Variants in GIGYF2 observed in about 807,000 individuals in gnomAD.
GIGYF2 encodes the protein GRB10 interacting GYF protein 2, also known as GRB10-interacting GYF protein 2.
In GIGYF2, 25 loss-of-function variants were observed where a neutral mutation model predicts 208.1. The ratio of observed to expected loss-of-function variants is 0.12; its 90% confidence interval spans 0.09 to 0.17. The LOEUF (loss-of-function observed/expected upper bound fraction) is 0.17. GIGYF2 is among the 10% of genes least tolerant of loss of function. The pLI, the probability that GIGYF2 is intolerant of heterozygous loss-of-function variation, is 1.00. For missense variants in GIGYF2, 1,302 were observed against 1,579.4 expected (o/e 0.82, Z 2.98); for synonymous variants, 534 against 543.8 (o/e 0.98, Z 0.25).
chr2:232,735,927 C>T (rs777634889), intron 3 of GIGYF2: 48 of 983,842 alleles, frequency 4.9e-5, no homozygotes, highest in Admixed American at 6.2e-5. Context: ...ATTCAAACCT[C>T]GGGCAACCCC....
At chr2:232,776,655 G>A (rs1264373828) in intron 8 of GIGYF2, 4 of 598,834 alleles carry the variant, frequency 6.7e-6, no homozygotes, top group Non-Finnish European at 1.2e-5. Context: ...CCTGCAGGGG[G>A]GCCAATTAGC....
At chr2:232,760,138 A>G (rs1195280523) in intron 6 of GIGYF2, 1 of 170,038 alleles carries the variant, frequency 5.9e-6, no homozygotes, top group East Asian at 1.6e-4. Flanking sequence ...AAATAAAACA[A>G]TAAAATATTT....
In GIGYF2 at chr2:232,768,193, A is replaced by G. The variant is rs1201705876; in HGVS notation, c.532+6757A>G. ...ATACATTAAAAAATGGATAAGTCTT[A>G]TTCTGTCAGTCCTGTTTCAGAGATC... On this transcript the variant is annotated intron_variant, in intron 8 of 28. Transcript: ENST00000373563. The G allele has an allele frequency of 5.6e-5, 91 of 1,613,940 alleles. No individual in the cohort carries two copies. The East Asian group carries it at 2.0e-3, about 36-fold the overall frequency.
intron 9 of GIGYF2, among the ~76,000 whole-genome samples, chr2:232,787,939 T>G (rs914924164): frequency 1.1e-4 from 17 of 152,196 alleles, no homozygotes; most frequent in Non-Finnish European, 2.4e-4. Flanking sequence ...TCTTGGACAT[T>G]AGATATGCTA....
intron 5 of GIGYF2, among the ~76,000 whole-genome samples, chr2:232,755,772 T>G (rs980385155): frequency 3.9e-5 from 6 of 152,216 alleles, no homozygotes; most frequent in Non-Finnish European, 7.3e-5. Flanking sequence ...CACATTGATG[T>G]GCAGAATGTC....
rs539833596 is a variant in GIGYF2 at position 232,808,919 on chromosome 2, A to G, written c.1807-801A>G. Reference sequence around the variant, plus strand: ...GAGAGTTATAGTTATCAAAGTTTATATACATACATATACATATATACATAC... The same window carrying G: ...GAGAGTTATAGTTATCAAAGTTTATGTACATACATATACATATATACATAC... On this transcript the variant is annotated intron_variant, in intron 15 of 28. Coordinates refer to ENST00000373563, the MANE Select transcript of GIGYF2 (RefSeq NM_001103146.3). Among the ~76,000 whole-genome samples, 100 of 152,276 alleles carry G rather than the reference A, an allele frequency of 6.6e-4. 1 individual carries two copies. The highest frequency in any genetic ancestry group is 2.2e-3 in the African/African-American group (91 of 41,564).
intron 21 of GIGYF2, among the ~76,000 whole-genome samples, chr2:232,824,805 A>C (rs939013288): frequency 6.6e-6 from 1 of 152,234 alleles, no homozygotes; most frequent in African/African-American, 2.4e-5. Context: ...AGAGAGGAGA[A>C]GTCAGTGCGT....
In GIGYF2 at chr2:232,847,420, T is replaced by C; in HGVS notation, c.3533T>C (p.Leu1178Ser). ...GTCCATGATTATATCAGGGCCTATT[T>C]AGGAGATACTTCTGAGGCCAAGGAG... ...YEVHDYIRAY[L>S]GDTSEAKEFA... Residue 1178 changes from leucine to serine, a missense_variant, in exon 27 of 29, where the codon TTA (leucine) becomes TCA (serine). By Grantham distance (145) the Leu-to-Ser change is moderately radical (BLOSUM62 -2). Around this residue, in one of 8 missense-constraint regions of GIGYF2, gnomAD observed 701 missense variants for 793.0 expected, o/e 0.88. Transcript: ENST00000373563. 6.2e-7 allele frequency: 1 copy of C among 1,613,776 alleles called. No homozygotes were observed. The highest frequency in any genetic ancestry group is 8.5e-7 in the Non-Finnish European group (1 of 1,179,778).
intron 8 of GIGYF2, among the ~76,000 whole-genome samples, chr2:232,775,713 G>C (rs959316632): frequency 6.6e-6 from 1 of 152,214 alleles, no homozygotes; most frequent in Admixed American, 6.5e-5. Context: ...GCACTTAAAA[G>C]TATGTATTTT....
At chr2:232,838,448 A>G (rs915033611) in intron 22 of GIGYF2, among the ~76,000 whole-genome samples, 1 of 152,214 alleles carries the variant, frequency 6.6e-6, no homozygotes, top group South Asian at 2.1e-4. Flanking sequence ...CACTGCCTCT[A>G]TTCCCAGTGC....
intron 17 of GIGYF2, 37 bp from the exon 18 acceptor site, chr2:232,812,354 G>T: frequency 6.0e-6 from 5 of 839,272 alleles, no homozygotes; most frequent in South Asian, 2.8e-5. Flanking sequence ...TCCTGCAAAT[G>T]ACAAGAACAA....
intron 2 of GIGYF2, among the ~76,000 whole-genome samples, chr2:232,707,386 A>G (rs909323008): frequency 3.3e-5 from 5 of 152,192 alleles, no homozygotes; most frequent in African/African-American, 1.2e-4. Flanking sequence ...GGTTGTACAG[A>G]CTGACAAGGA....
chr2:232,718,273 A>G (rs1696783429), intron 2 of GIGYF2, among the ~76,000 whole-genome samples: 1 of 151,896 alleles, frequency 6.6e-6, no homozygotes, highest in Non-Finnish European at 1.5e-5. Context: ...AATTTTTGTA[A>G]TTTAAGTAGA....
At chr2:232,753,448 G>A (rs1042525368) in intron 5 of GIGYF2, among the ~76,000 whole-genome samples, 2 of 151,972 alleles carry the variant, frequency 1.3e-5, no homozygotes, top group African/African-American at 2.4e-5. Context: ...TAGTGGAGAT[G>A]GTGTTTTGCC....
intron 22 of GIGYF2, 114 bp from the exon 23 acceptor site, chr2:232,839,735 G>A: frequency 9.5e-7 from 1 of 1,055,254 alleles, no homozygotes; most frequent in Non-Finnish European, 1.5e-6. Flanking sequence ...AATTGAATGT[G>A]GTAAATGGAG....
chr2:232,809,235 G>A (rs1700654771), intron 15 of GIGYF2, among the ~76,000 whole-genome samples: 1 of 152,106 alleles, frequency 6.6e-6, no homozygotes. Context: ...GAGCCACCAC[G>A]CCCGGCCTCT....
Position 232,832,952 on chromosome 2 carries a change from C to G in GIGYF2, c.2625C>G (p.Leu875=), listed in dbSNP as rs1410584300. ...RLRMEEEAAR[L]RHEEEERKRK... ...GGATGGAAGAGGAGGCAGCCAGACT[C>G]CGGCATGAGGAAGAAGAACGGAAGA... is the stretch of plus-strand genomic sequence containing the variant. Residue 875 remains leucine, a synonymous_variant, in exon 22 of 29, where the codon CTC becomes CTG. Transcript: ENST00000373563. The G allele has an allele frequency of 6.4e-7, 1 of 1,571,314 alleles. No homozygotes were observed. The highest frequency in any genetic ancestry group is 2.4e-5 in the East Asian group (1 of 42,452).
At chr2:232,807,501 C>G (rs1700594913) in intron 15 of GIGYF2, among the ~76,000 whole-genome samples, 2 of 152,082 alleles carry the variant, frequency 1.3e-5, no homozygotes, top group African/African-American at 4.8e-5. Flanking sequence ...GCAGCTTGGG[C>G]AACAGAGTGA....
At chr2:232,724,207 A>ATTTTTTTTTTTTTTT (rs1163865821) in intron 2 of GIGYF2, among the ~76,000 whole-genome samples, 8 of 114,196 alleles carry the variant, frequency 7.0e-5, no homozygotes, top group South Asian at 3.3e-4. Flanking sequence ...ACACCTGGCT[A>ATTTTTTTTTTTTTTT]TTTTTTTTTT....
Sources: allele counts gnomAD v4.1 joint callset (sites outside exome capture counted in the v4.1 genomes callset), GRCh38; gene constraint gnomAD v4.1.1; regional missense constraint gnomAD v4.1.1; transcripts MANE v1.5; gene names NCBI Gene and HGNC (gene_info 2026-07-23, HGNC 2026-07-21).